The following PDE8B variants were observed in gnomAD, a reference collection of about 807,000 sequenced individuals.
PDE8B encodes the protein high affinity cAMP-specific and IBMX-insensitive 3',5'-cyclic phosphodiesterase 8B.
In PDE8B, 26 loss-of-function variants were observed where a neutral mutation model predicts 101.3. That is an observed-to-expected ratio of 0.26 (90% CI 0.19 to 0.36). The LOEUF (loss-of-function observed/expected upper bound fraction) is 0.36, where lower values mean the gene tolerates loss of function less well. Ranked by LOEUF, PDE8B falls within the 10% of genes least tolerant of loss-of-function variation. The pLI is 1.00. For missense variants in PDE8B, 810 were observed against 1,163.1 expected (o/e 0.70, Z 4.42); for synonymous variants, 424 against 429.3 (o/e 0.99, Z 0.15).
At chr5:77,237,452 C>T (rs1393909494) in intron 1 of PDE8B, among the ~76,000 whole-genome samples, 1 of 152,094 alleles carries the variant, frequency 6.6e-6, no homozygotes, top group African/African-American at 2.4e-5. Context: ...ACACACTTAA[C>T]TTTTCATAGT....
the PDE8B span, among the ~76,000 whole-genome samples, chr5:77,136,747 G>A: frequency 6.6e-6 from 1 of 152,130 alleles, no homozygotes; most frequent in Non-Finnish European, 1.5e-5. Flanking sequence ...CCTAGCTGCT[G>A]GCATTTTTGC....
chr5:77,311,845 T>A (rs1772701616), intron 1 of PDE8B, 149 bp from the exon 2 acceptor site: 1 of 776,130 alleles, frequency 1.3e-6, no homozygotes. Flanking sequence ...TACATATACA[T>A]CATGCTTGGT....
At chr5:77,392,435 C>T (rs900718461) in intron 10 of PDE8B, among the ~76,000 whole-genome samples, 3 of 152,098 alleles carry the variant, frequency 2.0e-5, no homozygotes, top group Admixed American at 6.6e-5. Flanking sequence ...ACCATTACCC[C>T]CAGACCCAGG....
chr5:77,413,092 G>A lies in PDE8B; in HGVS notation c.1713-19G>A. ...GCCAGTGAATACAATGAGCCAGGGTGGGTTTTCCTATTTTTCAGGCCATTG... is the reference window on the plus strand; with the variant it reads ...GCCAGTGAATACAATGAGCCAGGGTAGGTTTTCCTATTTTTCAGGCCATTG... On this transcript the variant is annotated intron_variant, in intron 16 of 21. Coordinates refer to ENST00000264917, the MANE Select transcript of PDE8B (RefSeq NM_003719.5). 6.2e-7 allele frequency: 1 copy of A among 1,604,390 alleles called. No homozygotes were observed. The highest frequency in any genetic ancestry group is 8.5e-7 in the Non-Finnish European group (1 of 1,171,388).
chr5:77,139,775 G>T, the PDE8B span: 2 of 152,132 alleles, frequency 1.3e-5, no homozygotes, highest in South Asian at 2.1e-4. Context: ...ATTTATAAAA[G>T]AACTATTTGG....
chr5:77,164,491 C>T, the PDE8B span, among the ~76,000 whole-genome samples: 2 of 152,214 alleles, frequency 1.3e-5, no homozygotes, highest in African/African-American at 4.8e-5. Flanking sequence ...TATAGGTTTA[C>T]TTCTACTTGC....
In PDE8B at chr5:77,427,716, T is replaced by C. The variant is rs1798395981; in HGVS notation, c.*1162T>C. Reference sequence around the variant, plus strand: ...AAAGCACAAGTGCATATTTTTATACTGCTCTTTTCACAACTCCCTGTGATC... The same window carrying C: ...AAAGCACAAGTGCATATTTTTATACCGCTCTTTTCACAACTCCCTGTGATC... On this transcript the variant is annotated 3_prime_UTR_variant, in exon 22 of 22. Transcript: ENST00000264917. The C allele has an allele frequency of 6.6e-6, 1 of 152,218 alleles. No individual in the cohort carries two copies. 9.4% of individuals were successfully genotyped at this position (152,218 alleles called of 1,614,324 possible). A position where few individuals can be genotyped will look rare whatever the true frequency, so the allele number is the denominator to read the frequency against.
the PDE8B span, among the ~76,000 whole-genome samples, chr5:77,155,089 T>C: frequency 1.3e-5 from 2 of 152,156 alleles, no homozygotes; most frequent in Non-Finnish European, 1.5e-5. Flanking sequence ...TGTGGCCAGA[T>C]GGGCCTGTTT....
chr5:77,411,736 ATTTAC>A lies in PDE8B; in HGVS notation c.1576+18_1576+22del, dbSNP rs914035398. On this transcript the variant is annotated intron_variant, in intron 15 of 21. Transcript: ENST00000264917. ...GTTTACTAAGAGTAAGTTTTCATCT[ATTTAC>A]TTGTTAGTGTAACCTGTCTCCAGCC... 2 of 1,591,196 alleles carry A rather than the reference ATTTAC, an allele frequency of 1.3e-6. No homozygotes were observed. Among genetic ancestry groups the A allele is most frequent in the African/African-American group, 2.7e-5 (2 of 74,488 alleles).
rs534106890 is a variant in PDE8B at position 77,340,395 on chromosome 5, G to A, written c.797+3080G>A. ...GTGTTTCAGGGGTGGAAACTGAGCTGTGAAGGCTTAAAATAACCAGTCCCT... is the reference window on the plus strand; with the variant it reads ...GTGTTTCAGGGGTGGAAACTGAGCTATGAAGGCTTAAAATAACCAGTCCCT... On this transcript the variant is annotated intron_variant, in intron 6 of 21. Transcript: ENST00000264917. Among the ~76,000 whole-genome samples, 18 of 152,300 alleles carry A rather than the reference G, an allele frequency of 1.2e-4. 1 individual carries two copies. Among genetic ancestry groups the A allele is most frequent in the Middle Eastern group, 3.4e-3 (1 of 294 alleles).
chr5:77,211,452 C>A lies in PDE8B; in HGVS notation c.339+188C>A, dbSNP rs1215402963. 6.6e-6 allele frequency among the ~76,000 whole-genome samples: 1 copy of A among 152,208 alleles called. No homozygotes were observed. The highest frequency in any genetic ancestry group is 6.5e-5 in the Admixed American group (1 of 15,290). ...CCCAGGAAATGTGGTCAGAAAAAGG[C>A]CCCTGGAGGGGTCCTGGAAGCGTCC... On this transcript the variant is annotated intron_variant, in intron 1 of 21. Coordinates refer to ENST00000264917, the MANE Select transcript of PDE8B (RefSeq NM_003719.5). The surrounding 1 kb of genome is among the most constrained non-coding windows in gnomAD (Gnocchi z 4.1).
the PDE8B span, among the ~76,000 whole-genome samples, chr5:77,173,967 T>G: frequency 6.6e-6 from 1 of 152,188 alleles, no homozygotes; most frequent in East Asian, 1.9e-4. Context: ...CTGGAAGAAG[T>G]TATGCTGGGA....
At chr5:77,260,039 C>T (rs534815062) in intron 1 of PDE8B, among the ~76,000 whole-genome samples, 153 of 151,678 alleles carry the variant, frequency 1.0e-3, no homozygotes, top group Non-Finnish European at 1.4e-3. Flanking sequence ...TGGCCCATGC[C>T]TATAATCCCA....
chr5:77,424,026 T>C (rs1797344107), intron 20 of PDE8B, among the ~76,000 whole-genome samples: 1 of 152,158 alleles, frequency 6.6e-6, no homozygotes, highest in African/African-American at 2.4e-5. Context: ...AGACTGCAGC[T>C]TTCTGGGAAG....
At position 77,411,727 on chromosome 5, in the gene PDE8B, T is replaced by G. The variant is rs754366163; in HGVS notation, c.1576+6T>G. 6.3e-7 allele frequency: 1 copy of G among 1,598,718 alleles called. No individual in the cohort carries two copies. Among genetic ancestry groups the G allele is most frequent in the South Asian group, 1.1e-5 (1 of 90,770 alleles). ...CGAGTATGTGTTTACTAAGAGTAAGTTTTCATCTATTTACTTGTTAGTGTA... is the reference window on the plus strand; with the variant it reads ...CGAGTATGTGTTTACTAAGAGTAAGGTTTCATCTATTTACTTGTTAGTGTA... On this transcript the variant is annotated splice_donor_region_variant and intron_variant, in intron 15 of 21. Coordinates refer to ENST00000264917, the MANE Select transcript of PDE8B (RefSeq NM_003719.5).
chr5:77,421,456 C>A (rs1462576907), intron 19 of PDE8B, among the ~76,000 whole-genome samples: 1 of 151,998 alleles, frequency 6.6e-6, no homozygotes, highest in Non-Finnish European at 1.5e-5. Flanking sequence ...TTTAAAAAAA[C>A]TGGGAGAAAT....
the PDE8B span, among the ~76,000 whole-genome samples, chr5:77,117,966 G>A: frequency 6.6e-5 from 10 of 151,760 alleles, no homozygotes; most frequent in Non-Finnish European, 1.3e-4. Flanking sequence ...ACGGAGTTTC[G>A]CTCTGTCCCT....
chr5:77,424,819 G>GTTTTTTTTTTTTTT (rs912849753), intron 20 of PDE8B, among the ~76,000 whole-genome samples: 1 of 110,044 alleles, frequency 9.1e-6, no homozygotes. Context: ...CTGTTTTTTT[G>GTTTTTTTTTTTTTT]TTTTTTGTTT....
At chr5:77,270,440 C>G (rs1274497023) in intron 1 of PDE8B, among the ~76,000 whole-genome samples, 1 of 152,138 alleles carries the variant, frequency 6.6e-6, no homozygotes, top group Non-Finnish European at 1.5e-5. Context: ...AATTTGGATG[C>G]CTTTTATTTC....
Sources: gnomAD v4.1 joint callset for allele counts (sites outside exome capture counted in the v4.1 genomes callset) on GRCh38, gnomAD v4.1.1 for gene constraint, Gnocchi (gnomAD v3.1) non-coding constraint, MANE v1.5 for transcripts, NCBI Gene and HGNC (gene_info 2026-07-23, HGNC 2026-07-21) for gene names.